GRIA4: variants seen among roughly 807,000 people sequenced by gnomAD.
GRIA4 encodes the protein glutamate ionotropic receptor AMPA type subunit 4.
In GRIA4, 34 loss-of-function variants were observed where a neutral mutation model predicts 104.0. The observed-to-expected ratio is 0.33, with a 90% CI of 0.25 to 0.44. GRIA4 has a LOEUF of 0.44. GRIA4 is among the 20% of genes least tolerant of loss of function. The pLI is 1.00. For synonymous variants in GRIA4, 386 were observed against 381.9 expected (o/e 1.01, Z -0.13); for missense variants, 750 against 1,096.5 (o/e 0.68, Z 4.46).
chr11:105,679,135 C>A (rs761032966), intron 3 of GRIA4, among the ~76,000 whole-genome samples: 1 of 152,022 alleles, frequency 6.6e-6, no homozygotes, highest in African/African-American at 2.4e-5. Context: ...AGGTAAAAAC[C>A]GACGTGGAAG....
intron 3 of GRIA4, among the ~76,000 whole-genome samples, chr11:105,621,192 T>C (rs1458012105): frequency 6.6e-6 from 1 of 151,866 alleles, no homozygotes; most frequent in Non-Finnish European, 1.5e-5. Flanking sequence ...CTGATATGTT[T>C]ATTCCAAAAT....
chr11:105,610,883 T>TTGG, intron 1 of GRIA4, 25 bp from the exon 2 acceptor site: 1 of 472,912 alleles, frequency 2.1e-6, no homozygotes, highest in Non-Finnish European at 3.7e-6. Flanking sequence ...TTTTTTTTTT[T>TTGG]TTTTTTGGTT....
chr11:105,841,772 C>CT (rs1334958103), intron 4 of GRIA4, among the ~76,000 whole-genome samples: 1 of 152,106 alleles, frequency 6.6e-6, no homozygotes, highest in Non-Finnish European at 1.5e-5. Flanking sequence ...CAAAATCACA[C>CT]TGAGATCTCA....
chr11:105,914,868 C>A (rs1397827365), intron 10 of GRIA4, among the ~76,000 whole-genome samples: 1 of 152,030 alleles, frequency 6.6e-6, no homozygotes, highest in Non-Finnish European at 1.5e-5. Flanking sequence ...TACAAAGATA[C>A]CCCACAAATC....
chr11:105,688,299 CT>C (rs1952964848), intron 3 of GRIA4, among the ~76,000 whole-genome samples: 1 of 152,120 alleles, frequency 6.6e-6, no homozygotes, highest in South Asian at 2.1e-4. Context: ...CGGCTCACAC[CT>C]GTAATCCCAG....
At position 105,731,226 on chromosome 11, in the gene GRIA4, A is replaced by G. The variant is rs182090809; in HGVS notation, c.248-21755A>G. 1.6e-3 allele frequency among the ~76,000 whole-genome samples: 242 copies of G among 152,318 alleles called. 1 individual carries two copies. The highest frequency in any genetic ancestry group is 5.5e-3 in the African/African-American group (229 of 41,568). ...TCAAAAATGGGCAAAATATATGAAC[A>G]TACGCTTTTCAAAAGAAGACATTCA... On this transcript the variant is annotated intron_variant, in intron 3 of 16. Transcript: ENST00000282499.
chr11:105,907,039 C>A (rs1947064506), intron 9 of GRIA4, among the ~76,000 whole-genome samples: 1 of 152,112 alleles, frequency 6.6e-6, no homozygotes, highest in African/African-American at 2.4e-5. Flanking sequence ...ACTTATTTTA[C>A]AAAACTATAA....
intron 4 of GRIA4, among the ~76,000 whole-genome samples, chr11:105,803,854 A>G (rs1942829067): frequency 6.6e-6 from 1 of 150,936 alleles, no homozygotes; most frequent in East Asian, 1.9e-4. Context: ...CAAAAAAAAA[A>G]AAAAAAAAGA....
intron 3 of GRIA4, among the ~76,000 whole-genome samples, chr11:105,735,598 C>G (rs542420571): frequency 4.7e-4 from 71 of 152,282 alleles, no homozygotes; most frequent in African/African-American, 1.5e-3. Flanking sequence ...ATTGTTCCTT[C>G]TATTTGAATG....
At chr11:105,817,979 G>A (rs1943444718) in intron 4 of GRIA4, among the ~76,000 whole-genome samples, 1 of 152,094 alleles carries the variant, frequency 6.6e-6, no homozygotes, top group Non-Finnish European at 1.5e-5. Context: ...TAAAAATGCT[G>A]TAGAATAGAG....
chr11:105,927,027 AT>A (rs3831386), intron 13 of GRIA4, 88 bp downstream of exon 13: 73,556 of 808,274 alleles, frequency 0.091, 4,256 homozygotes, highest in Admixed American at 0.22. Context: ...GGCTTTAGCT[AT>A]TATAAGGTTT....
chr11:105,686,453 T>C (rs571110842), intron 3 of GRIA4, among the ~76,000 whole-genome samples: 4 of 152,300 alleles, frequency 2.6e-5, no homozygotes, highest in Non-Finnish European at 5.9e-5. Flanking sequence ...AGGTACCACA[T>C]TGTCTTTATC....
At chr11:105,714,079 G>A (rs1954007248) in intron 3 of GRIA4, among the ~76,000 whole-genome samples, 1 of 152,010 alleles carries the variant, frequency 6.6e-6, no homozygotes, top group African/African-American at 2.4e-5. Context: ...TGAGAATTGT[G>A]GGATTTATGC....
At chr11:105,832,643 A>C (rs1230136229) in intron 4 of GRIA4, among the ~76,000 whole-genome samples, 2 of 151,956 alleles carry the variant, frequency 1.3e-5, no homozygotes, top group East Asian at 1.9e-4. Flanking sequence ...GAGCCGCTCA[A>C]CTATATTAAA....
At chr11:105,939,618 TC>T (rs1313769159) in intron 14 of GRIA4, among the ~76,000 whole-genome samples, 1 of 152,170 alleles carries the variant, frequency 6.6e-6, no homozygotes, top group Admixed American at 6.5e-5. Context: ...AAGCTACTCT[TC>T]AGCCCTGTCT....
chr11:105,874,115 A>C (rs1945726120), intron 5 of GRIA4, among the ~76,000 whole-genome samples: 1 of 152,174 alleles, frequency 6.6e-6, no homozygotes, highest in Non-Finnish European at 1.5e-5. Context: ...AAAGGGGTCC[A>C]GTTTCAGTTT....
intron 3 of GRIA4, among the ~76,000 whole-genome samples, chr11:105,684,019 C>T (rs1353945152): frequency 6.6e-6 from 1 of 151,972 alleles, no homozygotes; most frequent in Non-Finnish European, 1.5e-5. Context: ...GGATTACAGG[C>T]ATGCACCACC....
At chr11:105,960,404 C>T (rs954622334) in intron 14 of GRIA4, among the ~76,000 whole-genome samples, 34 of 152,222 alleles carry the variant, frequency 2.2e-4, no homozygotes, top group Non-Finnish European at 1.6e-4. Flanking sequence ...CTGACTGCCA[C>T]AGCCGGTGTG....
chr11:105,622,244 G>A (rs1822984), intron 3 of GRIA4, among the ~76,000 whole-genome samples: 149,530 of 151,836 alleles, frequency 0.98, 73,664 homozygotes, highest in Middle Eastern at 1. Context: ...TACAACTATA[G>A]AAATATTATT....
Sources: allele counts gnomAD v4.1 joint callset (sites outside exome capture counted in the v4.1 genomes callset), GRCh38; gene constraint gnomAD v4.1.1; transcripts MANE v1.5; gene names NCBI Gene and HGNC (gene_info 2026-07-23, HGNC 2026-07-21).